Variants in ARMC3 observed in about 807,000 individuals in gnomAD.
ARMC3 encodes the protein armadillo repeat containing 3.
ARMC3 carries 74 observed loss-of-function variants against 90.3 expected under a neutral mutation model. The ratio of observed to expected loss-of-function variants is 0.82; its 90% CI spans 0.68 to 0.99. ARMC3 has a LOEUF of 0.99. Among genes scored for constraint, ARMC3 ranks in the 50% least tolerant of loss-of-function variants. ARMC3 has a pLI of 0.00. For missense variants in ARMC3, 958 were observed against 1,042.8 expected, an observed-to-expected ratio of 0.92 and a Z score of 1.12; for synonymous variants, 334 against 361.8, an observed-to-expected ratio of 0.92 and a Z score of 0.87.
chr10:22,991,419 A>G (rs2131374675), intron 10 of ARMC3, among the ~76,000 whole-genome samples: 1 of 150,478 alleles, frequency 6.6e-6, no homozygotes, highest in East Asian at 2.0e-4. Flanking sequence ...GGAACTTACC[A>G]CCTTGACTGT....
intron 10 of ARMC3, among the ~76,000 whole-genome samples, chr10:22,986,120 C>T (rs909342203): frequency 6.7e-6 from 1 of 148,574 alleles, no homozygotes; most frequent in Non-Finnish European, 1.5e-5. Flanking sequence ...GCCCCCCCCC[C>T]GCGCCACACA....
In ARMC3 at chr10:22,959,852, T is replaced by C. The variant is rs768293651; in HGVS notation, c.537+278T>C. ...GGCATTCAAATAAAATGTACTTCTTTTGAAACAGGAAATCTAATATGTGGA... is the reference window on the plus strand; with the variant it reads ...GGCATTCAAATAAAATGTACTTCTTCTGAAACAGGAAATCTAATATGTGGA... On this transcript the variant is annotated intron_variant, in intron 6 of 18. Coordinates refer to ENST00000298032, the MANE Select transcript of ARMC3 (RefSeq NM_173081.5). 1.3e-4 allele frequency: 69 copies of C among 513,750 alleles called. 1 individual carries two copies. Among genetic ancestry groups the C allele is most frequent in the South Asian group, 2.2e-4 (14 of 64,224 alleles). The allele number at this position is 513,750 out of a possible 1,614,324, so 31.8% of individuals were successfully genotyped here.
At chr10:22,982,482 T>A (rs867332619) in intron 10 of ARMC3, among the ~76,000 whole-genome samples, 42 of 152,344 alleles carry the variant, frequency 2.8e-4, no homozygotes, top group African/African-American at 1.0e-3. Context: ...TGGTGTGTAA[T>A]TTATACTCAT....
At chr10:23,032,395 A>G (rs1838952364) in intron 17 of ARMC3, among the ~76,000 whole-genome samples, 1 of 152,196 alleles carries the variant, frequency 6.6e-6, no homozygotes, top group African/African-American at 2.4e-5. Context: ...AAACTTGAAA[A>G]TGTTCTTAAA....
chr10:22,929,518 T>C (rs1833850225), intron 1 of ARMC3, among the ~76,000 whole-genome samples: 1 of 152,168 alleles, frequency 6.6e-6, no homozygotes, highest in Non-Finnish European at 1.5e-5. Flanking sequence ...CTCCATTAAC[T>C]ATCATACCCA....
chr10:22,955,954 T>A lies in ARMC3; in HGVS notation c.292+22T>A, dbSNP rs1225235390. 1.9e-6 allele frequency: 3 copies of A among 1,546,632 alleles called. No homozygotes were observed. The East Asian group carries it at 6.8e-5, about 35-fold the overall frequency. ...AATAGTAAGTATCAACTTTTAAAAA[T>A]AATCAAATAATCCCATGTTAATGCA... is the stretch of plus-strand genomic sequence containing the variant. On this transcript the variant is annotated intron_variant, in intron 4 of 18. Transcript: ENST00000298032.
chr10:22,998,877 T>C (rs370109218), intron 11 of ARMC3, among the ~76,000 whole-genome samples: 5 of 152,236 alleles, frequency 3.3e-5, no homozygotes, highest in African/African-American at 9.6e-5. Context: ...TTATGTAACG[T>C]TCAAAAGTAT....
Position 23,033,015 on chromosome 10 carries a change from C to T in ARMC3, c.2401C>T (p.Leu801Phe), listed in dbSNP as rs1588945608. 1 of 1,612,420 alleles carries T rather than the reference C, an allele frequency of 6.2e-7. No individual in the cohort carries two copies. Among genetic ancestry groups the T allele is most frequent in the Non-Finnish European group, 8.5e-7 (1 of 1,179,044 alleles). ...AGGAATCTTCTACCATCGAGCTTTG[C>T]TTTTCAAGGTGTGTAAGGTATTTTG... The part of the protein sequence containing the change: ...KKGIFYHRAL[L>F]FKALADRIGI... Residue 801 changes from leucine to phenylalanine, a missense_variant, in exon 18 of 19, where the codon CTT becomes TTT. Coordinates refer to ENST00000298032, the MANE Select transcript of ARMC3 (RefSeq NM_173081.5).
chr10:23,031,762 C>T (rs1838930421), intron 17 of ARMC3, among the ~76,000 whole-genome samples: 1 of 152,050 alleles, frequency 6.6e-6, no homozygotes, highest in Admixed American at 6.6e-5. Context: ...CTTGAGGCCA[C>T]ACCAAGATAC....
At chr10:23,003,455 A>G in intron 13 of ARMC3, 41 bp downstream of exon 13, 1 of 1,454,776 alleles carries the variant, frequency 6.9e-7, no homozygotes, top group Non-Finnish European at 9.1e-7. Context: ...ATGTACAATA[A>G]TAATTTTTCT....
intron 16 of ARMC3, among the ~76,000 whole-genome samples, chr10:23,015,262 G>A (rs1240730583): frequency 1.3e-5 from 2 of 152,070 alleles, no homozygotes; most frequent in African/African-American, 2.4e-5. Flanking sequence ...TTTTGGTTTC[G>A]AAGGCTTTAG....
chr10:23,025,167 C>A (rs1335026197), intron 16 of ARMC3, among the ~76,000 whole-genome samples: 3 of 152,102 alleles, frequency 2.0e-5, no homozygotes, highest in Non-Finnish European at 4.4e-5. Context: ...GACTTCAACA[C>A]TGCCCCCAAC....
At chr10:22,975,829 T>G (rs1766480812) in intron 8 of ARMC3, among the ~76,000 whole-genome samples, 1 of 152,220 alleles carries the variant, frequency 6.6e-6, no homozygotes, top group Non-Finnish European at 1.5e-5. Context: ...TTCTTGTTTT[T>G]GTTTCACTTA....
At chr10:23,009,373 C>T (rs988902936) in intron 16 of ARMC3, among the ~76,000 whole-genome samples, 1 of 152,222 alleles carries the variant, frequency 6.6e-6, no homozygotes, top group Non-Finnish European at 1.5e-5. Context: ...ACGGCCCTCC[C>T]CACCTCCCTC....
chr10:22,971,108 C>G (rs530108731), intron 8 of ARMC3, among the ~76,000 whole-genome samples: 5 of 152,298 alleles, frequency 3.3e-5, no homozygotes, highest in African/African-American at 1.2e-4. Flanking sequence ...TTTGATGACT[C>G]TAGATCCCTC....
intron 2 of ARMC3, 99 bp from the exon 3 acceptor site, chr10:22,946,045 T>C: frequency 1.2e-6 from 1 of 845,888 alleles, no homozygotes; most frequent in Non-Finnish European, 1.8e-6. Context: ...ACATCCTTTT[T>C]GCAAGATTAC....
At chr10:23,014,124 C>T in intron 16 of ARMC3, 10 of 1,549,826 alleles carry the variant, frequency 6.5e-6, no homozygotes, top group Non-Finnish European at 8.7e-6. Context: ...CAAGATAAAC[C>T]CTGAAGCACT....
intron 8 of ARMC3, among the ~76,000 whole-genome samples, chr10:22,974,030 T>G (rs1835807633): frequency 6.6e-6 from 1 of 152,184 alleles, no homozygotes. Context: ...AGTGCTGGGA[T>G]TACAGGCGTG....
rs1244026314 is a variant in ARMC3 at position 22,932,037 on chromosome 10, AG to A, written c.43del (p.Asp15MetfsTer6). The A allele has an allele frequency of 6.2e-7, 1 of 1,600,160 alleles. No homozygotes were observed. The highest frequency in any genetic ancestry group is 1.1e-5 in the South Asian group (1 of 88,214). On this transcript the variant is annotated frameshift_variant, in exon 2 of 19. Coordinates refer to ENST00000298032, the MANE Select transcript of ARMC3 (RefSeq NM_173081.5). LOFTEE classifies it high-confidence loss of function. Reference protein sequence around the residue: ...KIKKEVEPPPKDVFDPLMIES... With the variant: ...KIKKEVEPPPXDVFDPLMIES... ...AAGAAGGAAGTAGAGCCTCCTCCTAAGGATGTGGTAAGTTTCTGATTTGAAT... is the reference window on the plus strand; with the variant it reads ...AAGAAGGAAGTAGAGCCTCCTCCTAAGATGTGGTAAGTTTCTGATTTGAAT...
Sources: gnomAD v4.1 joint callset for allele counts (sites outside exome capture counted in the v4.1 genomes callset) on GRCh38, gnomAD v4.1.1 for gene constraint, MANE v1.5 for transcripts, NCBI Gene and HGNC (gene_info 2026-07-23, HGNC 2026-07-21) for gene names.